Variants in PARP3 observed in about 807,000 individuals in gnomAD.
PARP3 encodes the protein poly(ADP-ribose) polymerase family member 3.
A neutral mutation model predicts 58.2 loss-of-function variants in PARP3; 46 were observed. That is an observed-to-expected ratio of 0.79 (90% CI 0.62 to 1.01). PARP3 has a LOEUF of 1.01. Ranked by LOEUF, PARP3 falls within the 50% of genes least tolerant of loss-of-function variation. PARP3 has a pLI of 0.00. For missense variants in PARP3, 663 were observed against 683.9 expected (o/e 0.97, Z 0.34); for synonymous variants, 252 against 266.4 (o/e 0.95, Z 0.53).
rs200600625 is a variant in PARP3 at position 51,946,234 on chromosome 3, C to T, written c.1167C>T (p.Ala389=). The T allele has an allele frequency of 5.6e-6, 9 of 1,613,896 alleles. No individual in the cohort carries two copies. The highest frequency in any genetic ancestry group is 5.3e-5 in the African/African-American group (4 of 75,062). Residue 389 remains alanine (A), a synonymous_variant, in exon 9 of 11, where the codon GCC becomes GCT. Transcript: ENST00000398755. This position sits in a 1 kb window ranked among gnomAD's most constrained non-coding sequence, Gnocchi z 4.6. ...TGCTGTGGCATGGCACCAACATGGCCGTGGTGGCCGCCATCCTCACTAGTG... is the reference window on the plus strand; with the variant it reads ...TGCTGTGGCATGGCACCAACATGGCTGTGGTGGCCGCCATCCTCACTAGTG... The part of the protein sequence containing the change: ...RKLLWHGTNM[A]VVAAILTSGL...
Position 51,943,479 on chromosome 3 carries a change from G to C in PARP3, c.124G>C (p.Glu42Gln), listed in dbSNP as rs998111620. The change falls in exon 2 of 11, where the codon GAG (glutamate) becomes CAG (glutamine). Residue 42 changes from glutamate to glutamine, a missense_variant. Around this residue, in one of 3 missense-constraint regions of PARP3, gnomAD observed 567 missense variants for 553.6 expected, o/e 1.02. Coordinates refer to ENST00000398755, the MANE Select transcript of PARP3 (RefSeq NM_001003931.4). ...TGAGGCCCTCAAGGCCATACCCGCA[G>C]AGAAGCGCATAATCCGCGTGGATCC... Reference protein sequence around the residue: ...TAEALKAIPAEKRIIRVDPTC... With the variant: ...TAEALKAIPAQKRIIRVDPTC... The C allele has an allele frequency of 2.7e-5, 44 of 1,611,022 alleles. No homozygotes were observed. In the Admixed American group the frequency reaches 5.7e-4, roughly 21 times the overall value.
Position 51,948,541 on chromosome 3 carries a change from C to A in PARP3, c.*61C>A. ...GACTGTGATCTTCAATCATCCTGCC[C>A]ATCTCTGGTACCCCTATATCACTCC... On this transcript the variant is annotated 3_prime_UTR_variant, in exon 11 of 11. Transcript: ENST00000398755. The A allele has an allele frequency of 6.9e-7, 1 of 1,451,006 alleles. No individual in the cohort carries two copies. Among genetic ancestry groups the A allele is most frequent in the Non-Finnish European group, 9.6e-7 (1 of 1,038,800 alleles). 89.9% of individuals were successfully genotyped at this position (1,451,006 alleles called of 1,614,324 possible).
In PARP3 at chr3:51,947,589, G is replaced by T. The variant is rs137993941; in HGVS notation, c.1277-151G>T. On this transcript the variant is annotated intron_variant, in intron 9 of 10. Coordinates refer to ENST00000398755, the MANE Select transcript of PARP3 (RefSeq NM_001003931.4). ...ACAGTGAGGTGGGAGGGAGCAGGCCGGGACAAGGAGGGAGTGACGGTTGGG... is the reference window on the plus strand; with the variant it reads ...ACAGTGAGGTGGGAGGGAGCAGGCCTGGACAAGGAGGGAGTGACGGTTGGG... 5.2e-3 allele frequency: 3,993 copies of T among 771,588 alleles called. 10 individuals are homozygous for T. Among genetic ancestry groups the T allele is most frequent in the Non-Finnish European group, 7.2e-3 (3,436 of 477,036 alleles). 47.8% of individuals were successfully genotyped at this position (771,588 alleles called of 1,614,324 possible).
At chr3:51,943,650 A>G (rs1699597926) in intron 2 of PARP3, 112 bp downstream of exon 2, 3 of 1,001,264 alleles carry the variant, frequency 3.0e-6, no homozygotes, top group Non-Finnish European at 4.5e-6. Flanking sequence ...GCCCCCAGGT[A>G]AGCGCCAGAG....
At position 51,943,491 on chromosome 3, in the gene PARP3, A is replaced by G. The variant is rs1340942562; in HGVS notation, c.136A>G (p.Ile46Val). The change falls in exon 2 of 11, where the codon ATC becomes GTC. Residue 46 changes from isoleucine to valine, a missense_variant. Around this residue, in one of 3 missense-constraint regions of PARP3, gnomAD observed 567 missense variants for 553.6 expected, o/e 1.02. Coordinates refer to ENST00000398755, the MANE Select transcript of PARP3 (RefSeq NM_001003931.4). ...GGCCATACCCGCAGAGAAGCGCATAATCCGCGTGGATCCAACATGTCCACT... is the reference window on the plus strand; with the variant it reads ...GGCCATACCCGCAGAGAAGCGCATAGTCCGCGTGGATCCAACATGTCCACT... Reference protein sequence around the residue: ...LKAIPAEKRIIRVDPTCPLSS... With the variant: ...LKAIPAEKRIVRVDPTCPLSS... The G allele has an allele frequency of 2.5e-6, 4 of 1,610,894 alleles. No individual in the cohort carries two copies. Among genetic ancestry groups the G allele is most frequent in the Non-Finnish European group, 2.5e-6 (3 of 1,179,070 alleles).
chr3:51,945,589 A>C lies in PARP3; in HGVS notation c.956A>C (p.Tyr319Ser). ...GTGCCACACCCCCTGGACCGAGACT[A>C]CCAGCTTCTCAAGTGCCAGCTGCAG... is the stretch of plus-strand genomic sequence containing the variant. The part of the protein sequence containing the change: ...EEVPHPLDRD[Y>S]QLLKCQLQLL... The change falls in exon 7 of 11, where the codon TAC (tyrosine) becomes TCC (serine). Residue 319 changes from tyrosine to serine, a missense_variant. Physicochemically the swap from Tyr to Ser is moderately radical, Grantham distance 144. Coordinates refer to ENST00000398755, the MANE Select transcript of PARP3 (RefSeq NM_001003931.4). 3 of 1,613,900 alleles carry C rather than the reference A, an allele frequency of 1.9e-6. No individual in the cohort carries two copies. Among genetic ancestry groups the C allele is most frequent in the Non-Finnish European group, 2.5e-6 (3 of 1,179,992 alleles).
At chr3:51,943,561 G>T in intron 2 of PARP3, 23 bp downstream of exon 2, 1 of 1,596,212 alleles carries the variant, frequency 6.3e-7, no homozygotes. Context: ...CCCCAGTCAG[G>T]CCCAGAGCCT....
At position 51,946,238 on chromosome 3, in the gene PARP3, G is replaced by C; in HGVS notation, c.1171G>C (p.Val391Leu). 1 of 1,613,992 alleles carries C rather than the reference G, an allele frequency of 6.2e-7. No individual in the cohort carries two copies. Among genetic ancestry groups the C allele is most frequent in the South Asian group, 1.1e-5 (1 of 91,064 alleles). The change falls in exon 9 of 11, where the codon GTG becomes CTG. Residue 391 changes from valine to leucine, a missense_variant. By Grantham distance (32) the Val-to-Leu change is conservative. This residue lies in a region of PARP3 where 567 missense variants were observed against 553.6 expected (regional missense o/e 1.02). Coordinates refer to ENST00000398755, the MANE Select transcript of PARP3 (RefSeq NM_001003931.4). This position sits in a 1 kb window ranked among gnomAD's most constrained non-coding sequence, Gnocchi z 4.6. The part of the protein sequence containing the change: ...LLWHGTNMAV[V>L]AAILTSGLRI... ...GTGGCATGGCACCAACATGGCCGTG[G>C]TGGCCGCCATCCTCACTAGTGGGCT...
chr3:51,943,316 C>T, intron 1 of PARP3, 38 bp from the exon 2 acceptor site: 12 of 1,512,062 alleles, frequency 7.9e-6, no homozygotes, highest in Non-Finnish European at 1.1e-5. Context: ...GATGAGGAGA[C>T]CATGGAGGCC....
rs1699618748 is a variant in PARP3 at position 51,944,334 on chromosome 3, C to T, written c.313-56C>T. On this transcript the variant is annotated intron_variant, in intron 3 of 10. Coordinates refer to ENST00000398755, the MANE Select transcript of PARP3 (RefSeq NM_001003931.4). This position sits in a 1 kb window ranked among gnomAD's most constrained non-coding sequence, Gnocchi z 4.2. ...GCACTCAGCACAGGGCCTGGCCCGA[C>T]ACACAGGCCAGCAAATGCTGATGGT... is the stretch of plus-strand genomic sequence containing the variant. 6.2e-7 allele frequency: 1 copy of T among 1,606,088 alleles called. No homozygotes were observed. Among genetic ancestry groups the T allele is most frequent in the African/African-American group, 1.3e-5 (1 of 74,760 alleles).
Position 51,946,022 on chromosome 3 carries a change from G to A in PARP3, c.1098+83G>A, listed in dbSNP as rs1699668778. ...TGGCTAATCGGTCCCTTAGCAAATC[G>A]TTTAGCAGCTCTGGTCAGTTTCTGC... On this transcript the variant is annotated intron_variant, in intron 8 of 10. Transcript: ENST00000398755. This position sits in a 1 kb window ranked among gnomAD's most constrained non-coding sequence, Gnocchi z 4.6. The A allele has an allele frequency of 8.6e-6, 12 of 1,401,576 alleles. No homozygotes were observed. Among genetic ancestry groups the A allele is most frequent in the Middle Eastern group, 1.8e-4 (1 of 5,670 alleles). 86.8% of individuals were successfully genotyped at this position (1,401,576 alleles called of 1,614,324 possible). A position where few individuals can be genotyped will look rare whatever the true frequency, so the allele number is the denominator to read the frequency against.
intron 9 of PARP3, 23 bp from the exon 10 acceptor site, chr3:51,947,717 C>T (rs1338464586): frequency 2.3e-5 from 37 of 1,613,012 alleles, no homozygotes; most frequent in Non-Finnish European, 2.7e-5. Context: ...AGCTGCCCAC[C>T]GGTGCCTCCC....
At position 51,945,063 on chromosome 3, in the gene PARP3, G is replaced by A. The variant is rs2106693254; in HGVS notation, c.700G>A (p.Glu234Lys). 6.2e-7 allele frequency: 1 copy of A among 1,614,078 alleles called. No homozygotes were observed. Among genetic ancestry groups the A allele is most frequent in the East Asian group, 2.2e-5 (1 of 44,830 alleles). Residue 234 changes from glutamate (E) to lysine (K), a missense_variant, in exon 6 of 11, where the codon GAG becomes AAG. Transcript: ENST00000398755. ...GATTGCACGGGGTTTCGAGGCCTTG[G>A]AGGCGCTGGAGGAGGCCCTGAAAGG... is the stretch of plus-strand genomic sequence containing the variant. The part of the protein sequence containing the change: ...QQIARGFEAL[E>K]ALEEALKGPT...
Position 51,943,380 on chromosome 3 carries a change from G to A in PARP3, c.25G>A (p.Val9Ile). MAPKPKPWVQTEGPEKKKG... is the reference protein window; with the variant it reads MAPKPKPWIQTEGPEKKKG... ...CATGGCTCCAAAGCCGAAGCCCTGG[G>A]TACAGACTGAGGGCCCTGAGAAGAA... The change falls in exon 2 of 11, where the codon GTA becomes ATA. Residue 9 changes from valine (V) to isoleucine (I), a missense_variant. Physicochemically the swap from Val to Ile is conservative, Grantham distance 29. Around this residue, in one of 3 missense-constraint regions of PARP3, gnomAD observed 567 missense variants for 553.6 expected, o/e 1.02. Coordinates refer to ENST00000398755, the MANE Select transcript of PARP3 (RefSeq NM_001003931.4). 1 of 1,595,208 alleles carries A rather than the reference G, an allele frequency of 6.3e-7. No individual in the cohort carries two copies. The highest frequency in any genetic ancestry group is 8.5e-7 in the Non-Finnish European group (1 of 1,171,868).
At chr3:51,945,782 T>C in intron 7 of PARP3, 71 bp from the exon 8 acceptor site, 1 of 1,535,988 alleles carries the variant, frequency 6.5e-7, no homozygotes, top group Non-Finnish European at 9.0e-7. Context: ...GGCTTGGGAC[T>C]GGGGGAAGAA....
chr3:51,943,077 A>C, intron 1 of PARP3: 1 of 1,343,294 alleles, frequency 7.4e-7, no homozygotes, highest in Non-Finnish European at 9.7e-7. Context: ...AGCCAGGCAG[A>C]CCCTGTTGAC....
chr3:51,944,421 T>C lies in PARP3; in HGVS notation c.344T>C (p.Phe115Ser), dbSNP rs1699621106. 9 of 1,613,832 alleles carry C rather than the reference T, an allele frequency of 5.6e-6. No homozygotes were observed. The highest frequency in any genetic ancestry group is 7.6e-6 in the Non-Finnish European group (9 of 1,180,010). ...GEVGQSKINH[F>S]TRLEDAKKDF... is the part of the protein sequence containing the mutation. ...GTCGGCCAGTCAAAGATCAACCACT[T>C]CACAAGGCTAGAAGATGCAAAGAAG... Residue 115 changes from phenylalanine (F) to serine (S), a missense_variant, in exon 4 of 11, where the codon TTC (phenylalanine) becomes TCC (serine). By Grantham distance (155) the Phe-to-Ser change is radical (BLOSUM62 -2). Coordinates refer to ENST00000398755, the MANE Select transcript of PARP3 (RefSeq NM_001003931.4). This position sits in a 1 kb window ranked among gnomAD's most constrained non-coding sequence, Gnocchi z 4.2.
chr3:51,946,670 G>A lies in PARP3; in HGVS notation c.1276+327G>A, dbSNP rs538982083. 6.6e-6 allele frequency among the ~76,000 whole-genome samples: 1 copy of A among 152,266 alleles called. No individual in the cohort carries two copies. The highest frequency in any genetic ancestry group is 2.1e-4 in the South Asian group (1 of 4,826). On this transcript the variant is annotated intron_variant, in intron 9 of 10. Coordinates refer to ENST00000398755, the MANE Select transcript of PARP3 (RefSeq NM_001003931.4). The surrounding 1 kb of genome is among the most constrained non-coding windows in gnomAD (Gnocchi z 4.6). ...TCTACTCTGGAGGCTGAGGCAGGAG[G>A]AACGCTTGAGCCCACAAGTTTAAGG...
At position 51,944,089 on chromosome 3, in the gene PARP3, G is replaced by T; in HGVS notation, c.184G>T (p.Val62Leu). The change falls in exon 3 of 11, where the codon GTG (valine) becomes TTG (leucine). Residue 62 changes from valine to leucine, a missense_variant and splice_region_variant. Transcript: ENST00000398755. The surrounding 1 kb of genome is among the most constrained non-coding windows in gnomAD (Gnocchi z 4.2). ...GCCCCCCACCTCCCCTCTGGCCCAG[G>T]TGTATGAGGACTACAACTGCACCCT... The part of the protein sequence containing the change: ...CPLSSNPGTQ[V>L]YEDYNCTLNQ... The T allele has an allele frequency of 6.2e-7, 1 of 1,613,424 alleles. No homozygotes were observed. The highest frequency in any genetic ancestry group is 8.5e-7 in the Non-Finnish European group (1 of 1,179,790).
Sources: allele counts gnomAD v4.1 joint callset (sites outside exome capture counted in the v4.1 genomes callset), GRCh38; gene constraint gnomAD v4.1.1; regional missense constraint gnomAD v4.1.1; non-coding constraint Gnocchi (gnomAD v3.1); transcripts MANE v1.5; gene names NCBI Gene and HGNC (gene_info 2026-07-23, HGNC 2026-07-21).